SCFD2: variants seen among roughly 807,000 people sequenced by gnomAD.
SCFD2 encodes sec1 family domain containing 2.
Under a neutral mutation model 58.9 loss-of-function variants are expected in SCFD2, and 54 were observed. That is an observed-to-expected ratio of 0.92 (90% CI 0.74 to 1.15). The LOEUF is 1.15. Ranked by LOEUF, SCFD2 falls within the 50% of genes most tolerant of loss-of-function variation. SCFD2 has a pLI of 0.00. For synonymous variants in SCFD2, 321 were observed against 335.9 expected, an observed-to-expected ratio of 0.96 and a Z score of 0.49; for missense variants, 805 against 836.6, an observed-to-expected ratio of 0.96 and a Z score of 0.47.
chr4:53,155,308 C>G (rs532936795), intron 4 of SCFD2, among the ~76,000 whole-genome samples: 7 of 152,304 alleles, frequency 4.6e-5, no homozygotes, highest in African/African-American at 1.7e-4. Flanking sequence ...CATAAGGGAT[C>G]TACCCTCATG....
At chr4:53,293,984 G>C (rs184476447) in intron 3 of SCFD2, among the ~76,000 whole-genome samples, 3 of 149,472 alleles carry the variant, frequency 2.0e-5, no homozygotes, top group East Asian at 2.0e-4. Flanking sequence ...TGCAATGTTT[G>C]GTTTTCTGTT....
intron 4 of SCFD2, among the ~76,000 whole-genome samples, chr4:53,192,669 T>C (rs1392856212): frequency 6.6e-6 from 1 of 152,202 alleles, no homozygotes; most frequent in African/African-American, 2.4e-5. Context: ...TCCTCTCTTA[T>C]CTACAAAATG....
At chr4:53,282,366 T>C (rs1351450052) in intron 3 of SCFD2, among the ~76,000 whole-genome samples, 3 of 152,212 alleles carry the variant, frequency 2.0e-5, no homozygotes, top group Non-Finnish European at 4.4e-5. Context: ...CTCTCCTTTG[T>C]TCCTACATTT....
At chr4:53,234,239 T>C (rs1729527162) in intron 4 of SCFD2, among the ~76,000 whole-genome samples, 1 of 152,228 alleles carries the variant, frequency 6.6e-6, no homozygotes, top group African/African-American at 2.4e-5. Flanking sequence ...GCTCAATACA[T>C]TGTTATTACA....
At chr4:53,260,425 G>T (rs573547436) in intron 4 of SCFD2, among the ~76,000 whole-genome samples, 19 of 152,208 alleles carry the variant, frequency 1.2e-4, no homozygotes, top group African/African-American at 3.9e-4. Flanking sequence ...TTTGCTGAGG[G>T]TTTAATCACT....
chr4:53,253,607 G>T (rs563328719), intron 4 of SCFD2, among the ~76,000 whole-genome samples: 2 of 151,776 alleles, frequency 1.3e-5, no homozygotes, highest in East Asian at 3.9e-4. Flanking sequence ...GATGAAATTG[G>T]AAATCATCAT....
intron 3 of SCFD2, among the ~76,000 whole-genome samples, chr4:53,283,329 T>G (rs1731563102): frequency 2.0e-5 from 3 of 152,236 alleles, no homozygotes; most frequent in Admixed American, 2.0e-4. Context: ...CTGCTCTATA[T>G]TACCATAACA....
intron 3 of SCFD2, among the ~76,000 whole-genome samples, chr4:53,279,403 A>G (rs1343546292): frequency 1.3e-5 from 2 of 152,192 alleles, no homozygotes; most frequent in Non-Finnish European, 2.9e-5. Context: ...GGTGTGAGCC[A>G]CCATACCTGG....
At chr4:53,108,457 A>G (rs1475739531) in intron 5 of SCFD2, among the ~76,000 whole-genome samples, 1 of 152,118 alleles carries the variant, frequency 6.6e-6, no homozygotes, top group Non-Finnish European at 1.5e-5. Flanking sequence ...TTAACAAAAT[A>G]GATAAGTGAC....
At chr4:52,939,301 T>C (rs867795766) in intron 5 of SCFD2, among the ~76,000 whole-genome samples, 1 of 152,212 alleles carries the variant, frequency 6.6e-6, no homozygotes, top group Non-Finnish European at 1.5e-5. Context: ...CCTAATCTTC[T>C]TGGTATTGGC....
In SCFD2 at chr4:53,364,969, G is replaced by A. The variant is rs946814148; in HGVS notation, c.838+135C>T. 4 of 1,026,188 alleles carry A rather than the reference G, an allele frequency of 3.9e-6. No homozygotes were observed. The African/African-American group carries it at 6.5e-5, about 17-fold the overall frequency. 63.6% of individuals were successfully genotyped at this position (1,026,188 alleles called of 1,614,324 possible). On this transcript the variant is annotated intron_variant, in intron 1 of 8. Coordinates refer to ENST00000401642, the MANE Select transcript of SCFD2 (RefSeq NM_152540.4). ...AGACAATAAACTCTGTGAGATTAGA[G>A]ACCGTGTCCATCTAGTTCATCTTTG...
chr4:53,197,175 T>C (rs1728083670), intron 4 of SCFD2, among the ~76,000 whole-genome samples: 2 of 152,082 alleles, frequency 1.3e-5, no homozygotes, highest in Admixed American at 6.6e-5. Context: ...ACAACATTAA[T>C]TCAAAAGAAA....
intron 3 of SCFD2, among the ~76,000 whole-genome samples, chr4:53,291,525 A>C (rs529668187): frequency 6.6e-6 from 1 of 152,260 alleles, no homozygotes; most frequent in African/African-American, 2.4e-5. Flanking sequence ...GGAAGAATCA[A>C]TATCATGAAA....
intron 5 of SCFD2, among the ~76,000 whole-genome samples, chr4:53,125,832 T>C (rs1725611856): frequency 6.6e-6 from 1 of 152,194 alleles, no homozygotes; most frequent in South Asian, 2.1e-4. Context: ...AGGGGGTAGA[T>C]ATGGGGTAAA....
At chr4:53,179,258 G>C (rs192701382) in intron 4 of SCFD2, among the ~76,000 whole-genome samples, 2,437 of 152,234 alleles carry the variant, frequency 0.016, 70 homozygotes, top group African/African-American at 0.056. Flanking sequence ...GAGAAAGGTT[G>C]GGTTACCCAC....
At chr4:53,018,461 C>T (rs187513364) in intron 5 of SCFD2, among the ~76,000 whole-genome samples, 51 of 152,254 alleles carry the variant, frequency 3.3e-4, no homozygotes, top group Admixed American at 2.9e-3. Context: ...TTGCTTGTGA[C>T]GGCAATAATC....
chr4:53,017,504 A>G (rs1272990086), intron 5 of SCFD2, among the ~76,000 whole-genome samples: 2 of 152,322 alleles, frequency 1.3e-5, no homozygotes, highest in East Asian at 3.9e-4. Flanking sequence ...ATCTTAAAGT[A>G]TTTGACCCAA....
At chr4:53,068,082 A>T (rs1723713813) in intron 5 of SCFD2, among the ~76,000 whole-genome samples, 1 of 152,126 alleles carries the variant, frequency 6.6e-6, no homozygotes, top group African/African-American at 2.4e-5. Flanking sequence ...ATGTTAACAT[A>T]ACATGTTAAC....
chr4:52,999,858 G>A (rs887493037), intron 5 of SCFD2, among the ~76,000 whole-genome samples: 10 of 152,230 alleles, frequency 6.6e-5, no homozygotes, highest in Admixed American at 2.0e-4. Context: ...CGACTTCCTT[G>A]TTGTCCTCTC....
Sources: gnomAD v4.1 joint callset for allele counts (sites outside exome capture counted in the v4.1 genomes callset) on GRCh38, gnomAD v4.1.1 for gene constraint, MANE v1.5 for transcripts, NCBI Gene and HGNC (gene_info 2026-07-23, HGNC 2026-07-21) for gene names.